DAAM1: variants seen among roughly 807,000 people sequenced by gnomAD.
The protein encoded by DAAM1 is dishevelled associated activator of morphogenesis 1.
A neutral mutation model predicts 130.0 loss-of-function variants in DAAM1; 52 were observed. The ratio of observed to expected loss-of-function variants is 0.40; its 90% confidence interval spans 0.32 to 0.50. The LOEUF is 0.50. Among genes scored for constraint, DAAM1 ranks in the 20% least tolerant of loss-of-function variants. DAAM1 has a pLI of 0.61. For synonymous variants in DAAM1, 452 were observed against 444.5 expected, an observed-to-expected ratio of 1.02 and a Z score of -0.21; for missense variants, 1,134 against 1,303.8, an observed-to-expected ratio of 0.87 and a Z score of 2.01.
At chr14:59,272,763 G>A (rs575604915) in intron 2 of DAAM1, among the ~76,000 whole-genome samples, 35 of 152,070 alleles carry the variant, frequency 2.3e-4, no homozygotes, top group Non-Finnish European at 4.0e-4. Context: ...ACAGTGTGAA[G>A]ATATGCAATA....
intron 2 of DAAM1, among the ~76,000 whole-genome samples, chr14:59,267,692 C>G (rs545837501): frequency 2.6e-5 from 4 of 152,072 alleles, no homozygotes; most frequent in Non-Finnish European, 5.9e-5. Flanking sequence ...ACCCCAACAT[C>G]CCCTAACAAA....
At chr14:59,243,468 CCA>C (rs1881218590) in intron 1 of DAAM1, among the ~76,000 whole-genome samples, 4 of 152,152 alleles carry the variant, frequency 2.6e-5, no homozygotes. Context: ...GGTGGAAATG[CCA>C]GTCATTTCCA....
chr14:59,310,804 G>C (rs940631498), intron 3 of DAAM1, among the ~76,000 whole-genome samples: 1 of 152,062 alleles, frequency 6.6e-6, no homozygotes, highest in Non-Finnish European at 1.5e-5. Context: ...TCCTCAATTC[G>C]TAACAGCACA....
intron 1 of DAAM1, among the ~76,000 whole-genome samples, chr14:59,206,866 A>C (rs1040201628): frequency 6.6e-6 from 1 of 152,232 alleles, no homozygotes; most frequent in African/African-American, 2.4e-5. Context: ...TTGAATTAGT[A>C]AAACTTATTT....
At chr14:59,331,967 T>C in intron 15 of DAAM1, 47 bp downstream of exon 15, 1 of 1,492,320 alleles carries the variant, frequency 6.7e-7, no homozygotes, top group Non-Finnish European at 9.3e-7. Context: ...AAAAATCATG[T>C]CTTATGCATG....
intron 1 of DAAM1, among the ~76,000 whole-genome samples, chr14:59,192,498 C>G (rs935290790): frequency 6.6e-6 from 1 of 152,150 alleles, no homozygotes; most frequent in East Asian, 1.9e-4. Context: ...AAGCCGTGCT[C>G]TGGTATTTCC....
Position 59,355,283 on chromosome 14 carries a change from C to G in DAAM1, c.2475C>G (p.Phe825Leu). The change falls in exon 20 of 25, where the codon TTC becomes TTG. Residue 825 changes from phenylalanine (F) to leucine (L), a missense_variant. Transcript: ENST00000360909. The part of the protein sequence containing the change: ...NKGQRGNAYG[F>L]KISSLNKIAD... The stretch of plus-strand genomic sequence containing the variant: ...GTCAAAGAGGGAATGCATATGGATT[C>G]AAGATATCTAGCCTAAACAAAATTG... 1 of 1,614,060 alleles carries G rather than the reference C, an allele frequency of 6.2e-7. No homozygotes were observed. The highest frequency in any genetic ancestry group is 8.5e-7 in the Non-Finnish European group (1 of 1,179,986).
chr14:59,263,594 G>C lies in DAAM1; in HGVS notation c.117G>C (p.Gln39His), dbSNP rs755794892. 3 of 1,614,196 alleles carry C rather than the reference G, an allele frequency of 1.9e-6. No homozygotes were observed. Among genetic ancestry groups the C allele is most frequent in the Non-Finnish European group, 2.5e-6 (3 of 1,180,034 alleles). The stretch of plus-strand genomic sequence containing the variant: ...GAAATGATAGCAACTTTGCGCTTCA[G>C]ACCATGGAACCAGCATTGCCCATGC... ...RLRNDSNFAL[Q>H]TMEPALPMPP... Residue 39 changes from glutamine (Q) to histidine (H), a missense_variant, in exon 2 of 25, where the codon CAG becomes CAC. Physicochemically the swap from Gln to His is conservative, Grantham distance 24 (BLOSUM62 0). Around this residue, in one of 3 missense-constraint regions of DAAM1, gnomAD observed 99 missense variants for 86.4 expected, o/e 1.15. Transcript: ENST00000360909.
chr14:59,360,884 T>C, intron 22 of DAAM1, 22 bp downstream of exon 22: 1 of 1,611,652 alleles, frequency 6.2e-7, no homozygotes, highest in South Asian at 1.1e-5. Flanking sequence ...TTTGTTGTTG[T>C]TCTAATTCCT....
intron 2 of DAAM1, among the ~76,000 whole-genome samples, chr14:59,282,497 C>G (rs558493118): frequency 8.4e-4 from 128 of 152,160 alleles, no homozygotes; most frequent in African/African-American, 2.9e-3. Context: ...TCAGGGATAT[C>G]TGATAACAAA....
intron 2 of DAAM1, among the ~76,000 whole-genome samples, chr14:59,270,147 G>A (rs898130200): frequency 1.3e-5 from 2 of 152,178 alleles, no homozygotes; most frequent in Non-Finnish European, 2.9e-5. Flanking sequence ...TGTGATAGAT[G>A]TCATGTATCC....
intron 21 of DAAM1, 146 bp from the exon 22 acceptor site, chr14:59,360,656 T>C: frequency 1.8e-6 from 1 of 541,408 alleles, no homozygotes; most frequent in South Asian, 4.7e-5. Context: ...TACTGTTGTC[T>C]TTCTTTGAGA....
intron 1 of DAAM1, among the ~76,000 whole-genome samples, chr14:59,224,425 T>G (rs1393164515): frequency 6.6e-6 from 1 of 152,218 alleles, no homozygotes; most frequent in African/African-American, 2.4e-5. Context: ...CAGTATTGCT[T>G]TGGATTTACT....
intron 2 of DAAM1, among the ~76,000 whole-genome samples, chr14:59,285,470 G>A (rs1159972167): frequency 5.3e-5 from 8 of 152,200 alleles, no homozygotes; most frequent in South Asian, 2.1e-4. Flanking sequence ...TAAATGTCCC[G>A]CTCAAAAGGC....
chr14:59,366,376 TAACAA>T (rs1232687634), intron 23 of DAAM1, among the ~76,000 whole-genome samples: 2 of 152,166 alleles, frequency 1.3e-5, no homozygotes, highest in Non-Finnish European at 2.9e-5. Context: ...GAAAATATCT[TAACAA>T]TAGCAGCATT....
In DAAM1 at chr14:59,261,249, G is replaced by T. The variant is rs538494168; in HGVS notation, c.-37-2192G>T. ...ACTCATCCATCAGGGACCACCCCCAGATCCTGCTCAGTTTACATGGCACTT... is the reference window on the plus strand; with the variant it reads ...ACTCATCCATCAGGGACCACCCCCATATCCTGCTCAGTTTACATGGCACTT... On this transcript the variant is annotated intron_variant, in intron 1 of 24. Coordinates refer to ENST00000360909, the MANE Select transcript of DAAM1 (RefSeq NM_001270520.2). Among the ~76,000 whole-genome samples the T allele has an allele frequency of 2.0e-5, 3 of 152,224 alleles. No individual in the cohort carries two copies. The South Asian group carries it at 6.2e-4, about 32-fold the overall frequency.
intron 4 of DAAM1, among the ~76,000 whole-genome samples, chr14:59,317,741 C>T (rs1260077827): frequency 6.6e-6 from 1 of 152,128 alleles, no homozygotes; most frequent in African/African-American, 2.4e-5. Flanking sequence ...TTACCTTGCC[C>T]AAGGTTATCT....
intron 1 of DAAM1, among the ~76,000 whole-genome samples, chr14:59,210,942 C>T (rs917872347): frequency 6.6e-6 from 1 of 151,914 alleles, no homozygotes; most frequent in African/African-American, 2.4e-5. Context: ...TTTGTTTATA[C>T]ATGGTGTTGT....
At chr14:59,350,480 C>T (rs1017908730) in intron 17 of DAAM1, among the ~76,000 whole-genome samples, 4 of 141,556 alleles carry the variant, frequency 2.8e-5, no homozygotes, top group East Asian at 2.1e-4. Context: ...CACACACACA[C>T]GTCTTATGCA....
Sources: gnomAD v4.1 joint callset for allele counts (sites outside exome capture counted in the v4.1 genomes callset) on GRCh38, gnomAD v4.1.1 for gene constraint, gnomAD v4.1.1 regional missense constraint, MANE v1.5 for transcripts, NCBI Gene and HGNC (gene_info 2026-07-23, HGNC 2026-07-21) for gene names.